WDR45: variants seen among roughly 807,000 people sequenced by gnomAD.
WDR45 encodes the protein WD repeat domain 45.
A neutral mutation model predicts 27.3 loss-of-function variants in WDR45; 2 were observed. The ratio of observed to expected loss-of-function variants is 0.07; its 90% CI spans 0.03 to 0.23. The LOEUF (loss-of-function observed/expected upper bound fraction) is 0.23, where lower values mean the gene tolerates loss of function less well. Among genes scored for constraint, WDR45 ranks in the 10% least tolerant of loss-of-function variants. WDR45 has a pLI of 1.00. For synonymous variants in WDR45, 99 were observed against 119.2 expected, an observed-to-expected ratio of 0.83 and a Z score of 1.11; for missense variants, 175 against 311.9, an observed-to-expected ratio of 0.56 and a Z score of 3.31.
upstream of WDR45, among the ~76,000 whole-genome samples, chrX:49,084,683 A>G (rs2065080964): frequency 9.3e-6 from 1 of 107,982 alleles, no homozygotes; most frequent in African/African-American, 3.4e-5. Context: ...CCCAGGCACA[A>G]TCTCACAATG....
intron 2 of WDR45, among the ~76,000 whole-genome samples, chrX:49,095,001 T>A (rs1557087093): frequency 9.2e-6 from 1 of 109,257 alleles, no homozygotes; most frequent in African/African-American, 3.3e-5. Context: ...TTGGTCAGGC[T>A]GGTCTCAAAC....
chrX:49,090,283 G>A (rs782246291), intron 2 of WDR45, among the ~76,000 whole-genome samples: 5 of 111,037 alleles, frequency 4.5e-5, no homozygotes, highest in East Asian at 5.7e-4. Context: ...AGGCTGGTCC[G>A]GAACTCCTGA....
intron 2 of WDR45, among the ~76,000 whole-genome samples, chrX:49,087,822 C>T (rs1360226512): frequency 2.7e-5 from 3 of 112,021 alleles, no homozygotes; most frequent in Non-Finnish European, 3.8e-5. Context: ...TTGTTTTAGC[C>T]GGAGGTTGAG....
intron 2 of WDR45, among the ~76,000 whole-genome samples, chrX:49,093,228 G>A (rs1189311477): frequency 1.8e-5 from 2 of 111,048 alleles, no homozygotes; most frequent in African/African-American, 6.5e-5. Context: ...TTTTTAAGCT[G>A]GATACTTTGT....
At chrX:49,092,498 C>T (rs1254848355) in intron 2 of WDR45, among the ~76,000 whole-genome samples, 1 of 109,737 alleles carries the variant, frequency 9.1e-6, no homozygotes, top group Non-Finnish European at 1.9e-5. Context: ...TTTAGAAAAT[C>T]GACAACACAT....
chrX:49,085,599 G>A (rs1452945215), intron 2 of WDR45, among the ~76,000 whole-genome samples: 1 of 113,373 alleles, frequency 8.8e-6, no homozygotes, highest in South Asian at 3.5e-4. Context: ...AGGAGGCTGG[G>A]TGCAGTGGCT....
rs1557084152 is a variant in WDR45 at position 49,075,959 on chromosome X, A to G, written c.437-14T>C. The G allele has an allele frequency of 8.6e-7, 1 of 1,164,413 alleles. No homozygotes were observed. The highest frequency in any genetic ancestry group is 2.2e-5 in the Admixed American group (1 of 45,161). On this transcript the variant is annotated splice_polypyrimidine_tract_variant and intron_variant, in intron 6 of 10. Transcript: ENST00000376372. ...GGTCACAGAGCCCTAGGGTGTGAAGATGGGGGGTGGGGTGGGCGGCTGAAG... is the reference window on the plus strand; with the variant it reads ...GGTCACAGAGCCCTAGGGTGTGAAGGTGGGGGGTGGGGTGGGCGGCTGAAG...
In WDR45 at chrX:49,099,788, A is replaced by C. The variant is rs1465753819; in HGVS notation, c.-18+417T>G. Among the ~76,000 whole-genome samples, 443 of 95,388 alleles carry C rather than the reference A, an allele frequency of 4.6e-3. 16 individuals are homozygous for C. The highest frequency in any genetic ancestry group is 5.4e-3 in the Middle Eastern group (1 of 185). 82.8% of individuals were successfully genotyped at this position (95,388 alleles called of 115,157 possible). A position where few individuals can be genotyped will look rare whatever the true frequency, so the allele number is the denominator to read the frequency against. On this transcript the variant is annotated intron_variant, in intron 2 of 11. Transcript: ENST00000356463. ...AGAGCGAGACTATGTCTCAAAAAAA[A>C]AAAAACAAAAAAAAACAAAAAAAAA...
chrX:49,078,364 A>T (rs1217562662), intron 1 of WDR45, among the ~76,000 whole-genome samples: 1 of 112,348 alleles, frequency 8.9e-6, no homozygotes, highest in Non-Finnish European at 1.9e-5. Flanking sequence ...TCTAATAAAA[A>T]TACAAAAGTT....
chrX:49,091,982 G>A (rs1481851291), intron 2 of WDR45, among the ~76,000 whole-genome samples: 3 of 105,816 alleles, frequency 2.8e-5, no homozygotes, highest in Admixed American at 1.0e-4. Context: ...TTAGCCAGGC[G>A]TGGTGGCACT....
chrX:49,079,676 C>T (rs1283178032), intron 1 of WDR45, 75 bp downstream of exon 1: 4 of 112,473 alleles, frequency 3.6e-5, no homozygotes, highest in African/African-American at 9.7e-5. Flanking sequence ...CTCCTTCCAA[C>T]GCCAGCACCC....
chrX:49,100,823 G>A (rs1196972676), intron 1 of WDR45: 2 of 112,878 alleles, frequency 1.8e-5, no homozygotes, highest in African/African-American at 6.4e-5. Flanking sequence ...GACCACAGAG[G>A]GCTCGCTCTG....
chrX:49,078,140 A>G, intron 1 of WDR45, 28 bp from the exon 2 acceptor site: 3 of 1,169,770 alleles, frequency 2.6e-6, no homozygotes, highest in Non-Finnish European at 2.3e-6. Context: ...AAAGATGAGA[A>G]GAGTCCTGGA....
At chrX:49,078,884 T>G (rs984249983) in intron 1 of WDR45, among the ~76,000 whole-genome samples, 9 of 112,216 alleles carry the variant, frequency 8.0e-5, no homozygotes, top group Non-Finnish European at 1.7e-4. Context: ...CCTCCCTGAC[T>G]TGGCCCTGGG....
At chrX:49,077,991 C>T in intron 2 of WDR45, 50 bp downstream of exon 2, 2 of 1,210,349 alleles carry the variant, frequency 1.7e-6, no homozygotes, top group East Asian at 5.9e-5. Context: ...CTTCTGACCC[C>T]TCTTTTCCTC....
intron 2 of WDR45, 47 bp downstream of exon 2, chrX:49,077,994 T>C: frequency 2.5e-6 from 3 of 1,210,216 alleles, no homozygotes; most frequent in South Asian, 1.8e-5. Context: ...CTGACCCCTC[T>C]TTTCCTCGCT....
intron 8 of WDR45, 26 bp from the exon 9 acceptor site, chrX:49,075,491 C>T (rs1557084012): frequency 2.5e-6 from 3 of 1,210,426 alleles, no homozygotes; most frequent in Non-Finnish European, 3.4e-6. Flanking sequence ...GCAGTGATGC[C>T]CACATGTCAT....
chrX:49,095,342 T>A (rs1027255700), intron 2 of WDR45, among the ~76,000 whole-genome samples: 110 of 108,633 alleles, frequency 1.0e-3, no homozygotes, highest in Non-Finnish European at 1.5e-3. Context: ...CAAAATTCCA[T>A]CTCTACAGAA....
Position 49,074,748 on chromosome X carries a change from A to C in WDR45, c.*55T>G. The C allele has an allele frequency of 9.4e-7, 1 of 1,065,802 alleles. No homozygotes were observed. The allele number at this position is 1,065,802 out of a possible 1,213,427, so 87.8% of individuals were successfully genotyped here. On this transcript the variant is annotated 3_prime_UTR_variant, in exon 11 of 11. Transcript: ENST00000376372. Reference sequence around the variant, plus strand: ...GGCTTCCAAGCACGCCCCACTGCCAAGGCTCAGCTCTGCAGTTCTGCCACT... The same window carrying C: ...GGCTTCCAAGCACGCCCCACTGCCACGGCTCAGCTCTGCAGTTCTGCCACT...
Sources: gnomAD v4.1 joint callset for allele counts (sites outside exome capture counted in the v4.1 genomes callset) on GRCh38, gnomAD v4.1.1 for gene constraint, MANE v1.5 for transcripts, NCBI Gene and HGNC (gene_info 2026-07-23, HGNC 2026-07-21) for gene names.